Variants in KIAA1217 observed in about 807,000 individuals in gnomAD.
KIAA1217 encodes sickle tail protein homolog.
A neutral mutation model predicts 163.9 loss-of-function variants in KIAA1217; 88 were observed. The observed-to-expected ratio is 0.54, with a 90% confidence interval of 0.45 to 0.64. The LOEUF (loss-of-function observed/expected upper bound fraction) is 0.64, where lower values mean the gene tolerates loss of function less well. KIAA1217 is among the 30% of genes least tolerant of loss of function. The pLI is 0.00. For missense variants in KIAA1217, 2,372 were observed against 2,475.0 expected, an observed-to-expected ratio of 0.96 and a Z score of 0.88; for synonymous variants, 903 against 923.1, an observed-to-expected ratio of 0.98 and a Z score of 0.39.
intron 2 of KIAA1217, among the ~76,000 whole-genome samples, chr10:24,355,400 G>T (rs1389048563): frequency 6.6e-6 from 1 of 152,186 alleles, no homozygotes; most frequent in Non-Finnish European, 1.5e-5. Flanking sequence ...TGCCAGCATG[G>T]TCAGGTTCTG....
chr10:24,501,413 T>C lies in KIAA1217; in HGVS notation c.1869T>C (p.Ser623=), dbSNP rs1304617009. Residue 623 remains serine (S), a synonymous_variant, in exon 9 of 21, where the codon AGT becomes AGC. Transcript: ENST00000376454. ...ATGTGTCTGGTGGGAAGATGCTCAGTGCTCTGGAGTCCACGGTGCCTCCCA... is the reference window on the plus strand; with the variant it reads ...ATGTGTCTGGTGGGAAGATGCTCAGCGCTCTGGAGTCCACGGTGCCTCCCA... ...TPHVSGGKML[S]ALESTVPPSQ... 6.2e-7 allele frequency: 1 copy of C among 1,613,738 alleles called. No individual in the cohort carries two copies. Among genetic ancestry groups the C allele is most frequent in the Non-Finnish European group, 8.5e-7 (1 of 1,179,686 alleles).
chr10:24,376,981 G>A (rs1249594554), intron 2 of KIAA1217, among the ~76,000 whole-genome samples: 4 of 152,190 alleles, frequency 2.6e-5, no homozygotes, highest in Non-Finnish European at 5.9e-5. Flanking sequence ...CACCTGTTAT[G>A]TTGGGTCCTT....
chr10:24,358,611 T>C (rs2049447250), intron 2 of KIAA1217, among the ~76,000 whole-genome samples: 1 of 152,218 alleles, frequency 6.6e-6, no homozygotes, highest in South Asian at 2.1e-4. Flanking sequence ...AGGGTGGATA[T>C]TGAGACACAA....
At chr10:24,075,130 AC>A (rs1287079562) in intron 2 of KIAA1217, among the ~76,000 whole-genome samples, 20 of 134,740 alleles carry the variant, frequency 1.5e-4, no homozygotes, top group African/African-American at 6.8e-4. Context: ...ACACACACAC[AC>A]ACACACACAC....
At chr10:23,765,523 C>T (rs1834470534) in intron 1 of KIAA1217, among the ~76,000 whole-genome samples, 1 of 152,108 alleles carries the variant, frequency 6.6e-6, no homozygotes, top group Admixed American at 6.5e-5. Context: ...TATGCATTGA[C>T]ATGGTTTGGC....
intron 2 of KIAA1217, among the ~76,000 whole-genome samples, chr10:24,304,702 G>A (rs2041807556): frequency 1.3e-5 from 2 of 152,120 alleles, no homozygotes; most frequent in African/African-American, 4.8e-5. Flanking sequence ...GAAGGCTTCT[G>A]TAAAGAAAAC....
Position 24,309,131 on chromosome 10 carries a change from A to G in KIAA1217, c.355-71738A>G, listed in dbSNP as rs867363284. Among the ~76,000 whole-genome samples, 404 of 147,888 alleles carry G rather than the reference A, an allele frequency of 2.7e-3. 1 individual carries two copies. The highest frequency in any genetic ancestry group is 9.8e-3 in the African/African-American group (388 of 39,586). On this transcript the variant is annotated intron_variant, in intron 2 of 20. Transcript: ENST00000376454. ...GAGCAAGACTCTGTCAAAAAAAAAA[A>G]AAAAAAAAGGAAGGAAGGAAGGGAG...
At chr10:23,990,028 T>TCCC (rs1846150314) in intron 1 of KIAA1217, among the ~76,000 whole-genome samples, 1 of 152,194 alleles carries the variant, frequency 6.6e-6, no homozygotes, top group African/African-American at 2.4e-5. Context: ...TTCTCACATG[T>TCCC]CCCACTTAAA....
At chr10:24,208,682 C>T (rs1253281753), upstream of KIAA1217, 1 of 152,502 alleles carries the variant, frequency 6.6e-6, no homozygotes, top group East Asian at 1.9e-4. Flanking sequence ...GTGGATCACC[C>T]GATTTGGGAG....
rs1247495876 is a variant in KIAA1217, at chr10:24,316,644, GGTGACTCT to G, written c.355-64221_355-64214del. On this transcript the variant is annotated intron_variant, in intron 2 of 20. Transcript: ENST00000376454. Reference sequence around the variant, plus strand: ...CCTCATCCACAGATACAGACACTTTGGTGACTCTGTGTTCTATCTGAATGGGGGCTGAG... The same window carrying G: ...CCTCATCCACAGATACAGACACTTTGGTGTTCTATCTGAATGGGGGCTGAG... Among the ~76,000 whole-genome samples the G allele has an allele frequency of 5.3e-5, 8 of 152,228 alleles. No individual in the cohort carries two copies. In the East Asian group the frequency reaches 1.5e-3, roughly 29 times the overall value.
intron 1 of KIAA1217, among the ~76,000 whole-genome samples, chr10:23,844,736 T>G (rs1468164999): frequency 1.3e-5 from 2 of 151,930 alleles, no homozygotes; most frequent in Non-Finnish European, 2.9e-5. Context: ...GGCTCAACGT[T>G]TAATTTTTTT....
At chr10:24,077,337 C>T (rs1187555866) in intron 2 of KIAA1217, among the ~76,000 whole-genome samples, 1 of 152,152 alleles carries the variant, frequency 6.6e-6, no homozygotes. Flanking sequence ...TCTCCCTCCT[C>T]CCACTCTCCA....
chr10:23,791,944 T>C (rs1291321468), intron 1 of KIAA1217, among the ~76,000 whole-genome samples: 1 of 152,216 alleles, frequency 6.6e-6, no homozygotes, highest in East Asian at 1.9e-4. Context: ...AATTTTATAT[T>C]TAGGAAACCC....
intron 1 of KIAA1217, among the ~76,000 whole-genome samples, chr10:23,744,967 T>C (rs914454): frequency 0.22 from 33,343 of 152,104 alleles, 3,913 homozygotes; most frequent in African/African-American, 0.29. Flanking sequence ...CAATCTGCTG[T>C]ATTCAAAGTT....
chr10:24,059,261 G>A (rs947483216), intron 2 of KIAA1217, among the ~76,000 whole-genome samples: 3 of 152,020 alleles, frequency 2.0e-5, no homozygotes, highest in Admixed American at 2.0e-4. Flanking sequence ...TTTTAGTGTG[G>A]TGTTGAATTC....
At chr10:24,483,668 ATCTCTCCTGACACCG>A (rs2064988662) in intron 6 of KIAA1217, among the ~76,000 whole-genome samples, 1 of 152,166 alleles carries the variant, frequency 6.6e-6, no homozygotes, top group African/African-American at 2.4e-5. Context: ...TCAAGAGACC[ATCTCTCCTGACACCG>A]TCTCTCATTT....
chr10:23,850,531 C>T (rs1284031488), intron 1 of KIAA1217, among the ~76,000 whole-genome samples: 2 of 152,094 alleles, frequency 1.3e-5, no homozygotes, highest in East Asian at 3.8e-4. Context: ...CAAAGATTGA[C>T]ACACCTTTGT....
At chr10:24,160,964 AT>A (rs2065091416) in intron 2 of KIAA1217, among the ~76,000 whole-genome samples, 1 of 152,190 alleles carries the variant, frequency 6.6e-6, no homozygotes, top group Admixed American at 6.5e-5. Context: ...ATAAATTCTT[AT>A]TTGAAAATTC....
At chr10:24,494,410 A>G in intron 6 of KIAA1217, 90 bp from the exon 7 acceptor site, 1 of 1,044,116 alleles carries the variant, frequency 9.6e-7, no homozygotes, top group Non-Finnish European at 1.5e-6. Context: ...TCTAGGTGGT[A>G]CCTTTTATAA....
Sources: allele counts gnomAD v4.1 joint callset (sites outside exome capture counted in the v4.1 genomes callset), GRCh38; gene constraint gnomAD v4.1.1; transcripts MANE v1.5; gene names NCBI Gene and HGNC (gene_info 2026-07-23, HGNC 2026-07-21).